Variants in CHST10 observed in about 807,000 individuals in gnomAD.
CHST10 encodes the protein HNK-1 sulfotransferase.
CHST10 carries 24 observed loss-of-function variants against 34.7 expected under a neutral mutation model. The observed-to-expected ratio is 0.69, with a 90% CI of 0.50 to 0.97. CHST10 has a LOEUF of 0.97. CHST10 is among the 50% of genes least tolerant of loss of function. CHST10 has a pLI of 0.00. For synonymous variants in CHST10, 161 were observed against 169.3 expected, an observed-to-expected ratio of 0.95 and a Z score of 0.38; for missense variants, 402 against 452.1, an observed-to-expected ratio of 0.89 and a Z score of 1.00.
rs1676098123 is a variant in CHST10, at chr2:100,417,086, C to T, written c.-104+288G>A. 18 of 1,298,858 alleles carry T rather than the reference C, an allele frequency of 1.4e-5. 2 individuals are homozygous for T. In the South Asian group the frequency reaches 2.2e-4, roughly 16 times the overall value. The allele number at this position is 1,298,858 out of a possible 1,614,324, so 80.5% of individuals were successfully genotyped here. On this transcript the variant is annotated intron_variant, in intron 1 of 6. Transcript: ENST00000264249. ...CTCTCTCCATCTACAATTACAAACGCAAATTCTCAGCCAAGGATGAAAGAA... is the reference window on the plus strand; with the variant it reads ...CTCTCTCCATCTACAATTACAAACGTAAATTCTCAGCCAAGGATGAAAGAA...
chr2:100,406,904 T>C (rs963528109), intron 2 of CHST10, among the ~76,000 whole-genome samples, 197 bp from the exon 3 acceptor site: 6 of 152,230 alleles, frequency 3.9e-5, no homozygotes, highest in African/African-American at 7.2e-5. Context: ...GATTCAATAA[T>C]AAAATCAAAT....
intron 2 of CHST10, among the ~76,000 whole-genome samples, chr2:100,412,061 C>T (rs1449863747): frequency 6.6e-6 from 1 of 152,170 alleles, no homozygotes; most frequent in Non-Finnish European, 1.5e-5. Context: ...GAGAGTTTTA[C>T]ATGAAAAGAG....
rs1674886282 is a variant in CHST10 at position 100,393,384 on chromosome 2, C to T, written c.932G>A (p.Gly311Asp). 1.9e-6 allele frequency: 3 copies of T among 1,614,128 alleles called. No homozygotes were observed. Among genetic ancestry groups the T allele is most frequent in the Non-Finnish European group, 2.5e-6 (3 of 1,180,028 alleles). The stretch of plus-strand genomic sequence containing the variant: ...CTTGGTTCTGTTATACACGGTAATG[C>T]CCGGAGGGATAGTCGGGTATGACAC... ...HLVSYPTIPPGITVYNRTKVE... is the reference protein window; with the variant it reads ...HLVSYPTIPPDITVYNRTKVE... The change falls in exon 7 of 7, where the codon GGC becomes GAC. Residue 311 changes from glycine (G) to aspartate (D), a missense_variant. By Grantham distance (94) the Gly-to-Asp change is moderately conservative (BLOSUM62 -1). Transcript: ENST00000264249.
chr2:100,413,630 A>G (rs1675939603), intron 2 of CHST10, among the ~76,000 whole-genome samples: 3 of 152,204 alleles, frequency 2.0e-5, no homozygotes, highest in African/African-American at 7.2e-5. Context: ...TACTATTACC[A>G]TCTCTTGATG....
rs377559099 is a variant in CHST10, at chr2:100,398,041, C to T, written c.294G>A (p.Lys98=). 20 of 1,614,058 alleles carry T rather than the reference C, an allele frequency of 1.2e-5. No individual in the cohort carries two copies. Among genetic ancestry groups the T allele is most frequent in the Middle Eastern group, 1.6e-4 (1 of 6,084 alleles). The change falls in exon 5 of 7, where the codon AAG becomes AAA. Residue 98 remains lysine, a synonymous_variant. Coordinates refer to ENST00000264249, the MANE Select transcript of CHST10 (RefSeq NM_004854.5). ...IRNVCRDDAL[K]NLSHTPVSKF... is the part of the protein sequence containing the mutation. ...TGGAGACAGGAGTGTGCGAGAGATTCTTCAGGGCATCATCCCTGCAGACGT... is the reference window on the plus strand; with the variant it reads ...TGGAGACAGGAGTGTGCGAGAGATTTTTCAGGGCATCATCCCTGCAGACGT...
At chr2:100,407,028 G>A (rs1177742747) in intron 2 of CHST10, among the ~76,000 whole-genome samples, 1 of 152,190 alleles carries the variant, frequency 6.6e-6, no homozygotes, top group Non-Finnish European at 1.5e-5. Flanking sequence ...GTTGGGCCCA[G>A]GCTAAGGTCC....
intron 2 of CHST10, among the ~76,000 whole-genome samples, chr2:100,409,091 C>T (rs1573195755): frequency 6.6e-6 from 1 of 152,304 alleles, no homozygotes; most frequent in East Asian, 1.9e-4. Context: ...GCTGACTCTG[C>T]AGAGCATGTG....
chr2:100,413,112 T>A (rs1202584414), intron 2 of CHST10, among the ~76,000 whole-genome samples: 3 of 152,188 alleles, frequency 2.0e-5, no homozygotes, highest in Admixed American at 6.5e-5. Context: ...CGGCCTGACA[T>A]AAAGAGTCTT....
rs556362820 is a variant in CHST10, at chr2:100,399,167, G to A, written c.193-1025C>T. ...GGCCCAGGCTGGAGTGCAGTGGCAC[G>A]ATCTCAGCTCACTGCAAGCTCCGCC... On this transcript the variant is annotated intron_variant, in intron 4 of 6. Transcript: ENST00000264249. Among the ~76,000 whole-genome samples, 6 of 150,376 alleles carry A rather than the reference G, an allele frequency of 4.0e-5. No individual in the cohort carries two copies. In the East Asian group the frequency reaches 7.9e-4, roughly 20 times the overall value.
At chr2:100,399,103 T>TTC (rs1553401197) in intron 4 of CHST10, among the ~76,000 whole-genome samples, 9 of 43,760 alleles carry the variant, frequency 2.1e-4, no homozygotes, top group African/African-American at 3.9e-4. Context: ...TCTCTCTCTC[T>TTC]TTTTTTTTTT....
intron 2 of CHST10, chr2:100,408,242 A>G (rs1675668611): frequency 1.3e-5 from 2 of 149,394 alleles, no homozygotes; most frequent in Admixed American, 6.6e-5. Context: ...ACTGTAGTTT[A>G]TCAGCAACAC....
chr2:100,398,816 G>A (rs986006995), intron 4 of CHST10, among the ~76,000 whole-genome samples: 2 of 152,164 alleles, frequency 1.3e-5, no homozygotes, highest in African/African-American at 4.8e-5. Context: ...TCTTTTCAGG[G>A]CTGTTTTAGA....
chr2:100,402,662 G>GACAGTGTACACAGTGTAC lies in CHST10; in HGVS notation c.101-8_101-7insGTACACTGTGTACACTGT, dbSNP rs748509888. ...TCCTGTTTGGCACTGTACACTGGAA[G>GACAGTGTACACAGTGTAC]ACAGAGAGGTTGAATGTCTTCTCTA... On this transcript the variant is annotated splice_polypyrimidine_tract_variant and splice_region_variant and intron_variant, in intron 3 of 6. Coordinates refer to ENST00000264249, the MANE Select transcript of CHST10 (RefSeq NM_004854.5). 1.1e-5 allele frequency: 18 copies of GACAGTGTACACAGTGTAC among 1,612,966 alleles called. No homozygotes were observed. The African/African-American group carries it at 2.0e-4, about 18-fold the overall frequency.
chr2:100,400,772 G>A (rs1675304382), intron 4 of CHST10, among the ~76,000 whole-genome samples: 4 of 152,092 alleles, frequency 2.6e-5, no homozygotes, highest in Admixed American at 2.6e-4. Flanking sequence ...TCCGCTTCCT[G>A]GGTTCAAGAG....
intron 5 of CHST10, 94 bp downstream of exon 5, chr2:100,397,814 C>G (rs1345963206): frequency 1.0e-6 from 1 of 987,312 alleles, no homozygotes; most frequent in African/African-American, 1.6e-5. Context: ...GTCAAACCAG[C>G]CCTCTTGTGA....
intron 2 of CHST10, among the ~76,000 whole-genome samples, chr2:100,410,175 C>T (rs1404516420): frequency 1.3e-5 from 2 of 152,270 alleles, no homozygotes; most frequent in Admixed American, 6.5e-5. Flanking sequence ...TGGGCAGTCA[C>T]TGCGGGGTCC....
intron 1 of CHST10, chr2:100,417,101 G>A: frequency 7.8e-7 from 1 of 1,284,370 alleles, no homozygotes; most frequent in Non-Finnish European, 1.0e-6. Context: ...TCTCAGCCAA[G>A]GATGAAAGAA....
chr2:100,406,459 T>A, intron 3 of CHST10, 117 bp downstream of exon 3: 101 of 1,267,002 alleles, frequency 8.0e-5, no homozygotes, highest in East Asian at 2.4e-4. Context: ...CCAAGGTCCC[T>A]GCTGGCATGA....
At position 100,398,032 on chromosome 2, in the gene CHST10, C is replaced by G. The variant is rs373281200; in HGVS notation, c.303G>C (p.Ser101=). The change falls in exon 5 of 7, where the codon TCG becomes TCC. Residue 101 remains serine (S), a synonymous_variant. Coordinates refer to ENST00000264249, the MANE Select transcript of CHST10 (RefSeq NM_004854.5). ...GGACAAACTTGGAGACAGGAGTGTG[C>G]GAGAGATTCTTCAGGGCATCATCCC... ...VCRDDALKNL[S]HTPVSKFVLD... The G allele has an allele frequency of 6.2e-6, 10 of 1,614,132 alleles. No individual in the cohort carries two copies. The Admixed American group carries it at 8.3e-5, about 13-fold the overall frequency.
Sources: allele counts gnomAD v4.1 joint callset (sites outside exome capture counted in the v4.1 genomes callset), GRCh38; gene constraint gnomAD v4.1.1; transcripts MANE v1.5; gene names NCBI Gene and HGNC (gene_info 2026-07-23, HGNC 2026-07-21).